Variants in KMT5C observed in about 807,000 individuals in gnomAD.
KMT5C encodes lysine methyltransferase 5C.
Under a neutral mutation model 38.2 loss-of-function variants are expected in KMT5C, and 16 were observed. The observed-to-expected ratio is 0.42, with a 90% CI of 0.28 to 0.64. KMT5C has a LOEUF of 0.64. KMT5C is among the 30% of genes least tolerant of loss of function. KMT5C has a pLI of 0.23. For synonymous variants in KMT5C, 291 were observed against 279.0 expected, an observed-to-expected ratio of 1.04 and a Z score of -0.43; for missense variants, 598 against 665.1, an observed-to-expected ratio of 0.90 and a Z score of 1.11.
At chr19:55,342,555 G>A (rs1379440057) in intron 3 of KMT5C, 175 bp downstream of exon 3, 2 of 643,058 alleles carry the variant, frequency 3.1e-6, no homozygotes, top group Non-Finnish European at 2.7e-6. Flanking sequence ...AGGAGAGTTG[G>A]GGGGGCCCTC....
chr19:55,342,414 C>T (rs918191216), intron 3 of KMT5C, 34 bp downstream of exon 3: 13 of 1,419,090 alleles, frequency 9.2e-6, no homozygotes, highest in South Asian at 2.8e-5. Context: ...GCCCTCACCG[C>T]GTGTCCTCCC....
intron 6 of KMT5C, 103 bp from the exon 7 acceptor site, chr19:55,346,110 C>A: frequency 1.4e-6 from 2 of 1,432,868 alleles, no homozygotes; most frequent in Non-Finnish European, 1.9e-6. Context: ...TTGCCCCATT[C>A]CAGGAGAGGA....
chr19:55,346,821 G>A, intron 8 of KMT5C, 134 bp downstream of exon 8: 1 of 598,622 alleles, frequency 1.7e-6, no homozygotes, highest in South Asian at 1.8e-5. Context: ...CCTCGCTGTT[G>A]AGCAGTTCGG....
At chr19:55,340,225 G>C (rs2089541489) in intron 1 of KMT5C, among the ~76,000 whole-genome samples, 1 of 149,942 alleles carries the variant, frequency 6.7e-6, no homozygotes, top group African/African-American at 2.5e-5. Context: ...CTGACCTCTT[G>C]TCACTCTCCA....
rs1371181559 is a variant in KMT5C at position 55,346,295 on chromosome 19, G to T, written c.653G>T (p.Gly218Val). ...EPGDEVTCFY[G>V]EGFFGEKNEH... ...GGGGACGAGGTGACATGCTTCTACG[G>T]CGAGGGCTTCTTCGGCGAGAAGAAT... is the stretch of plus-strand genomic sequence containing the variant. Residue 218 changes from glycine (G) to valine (V), a missense_variant, in exon 7 of 9, where the codon GGC becomes GTC. By Grantham distance (109) the Gly-to-Val change is moderately radical (BLOSUM62 -3). Transcript: ENST00000255613. The T allele has an allele frequency of 6.2e-7, 1 of 1,613,980 alleles. No homozygotes were observed. The highest frequency in any genetic ancestry group is 8.5e-7 in the Non-Finnish European group (1 of 1,179,978).
In KMT5C at chr19:55,342,747, T is replaced by C. The variant is rs762703075; in HGVS notation, c.282T>C (p.Tyr94=). The C allele has an allele frequency of 6.3e-7, 1 of 1,594,440 alleles. No individual in the cohort carries two copies. The highest frequency in any genetic ancestry group is 8.6e-7 in the Non-Finnish European group (1 of 1,162,830). ...CCCACCCTCACCCTCACCAGGTCTATCGCTACCTCCGTGCCTTCCTGCCGG... is the reference window on the plus strand; with the variant it reads ...CCCACCCTCACCCTCACCAGGTCTACCGCTACCTCCGTGCCTTCCTGCCGG... The part of the protein sequence containing the change: ...RQEAALKTHV[Y]RYLRAFLPES... Residue 94 remains tyrosine (Y), a synonymous_variant, in exon 4 of 9, where the codon TAT becomes TAC. Transcript: ENST00000255613.
Position 55,347,203 on chromosome 19 carries a change from C to G in KMT5C, c.1143C>G (p.His381Gln), listed in dbSNP as rs1022746003. 3.2e-6 allele frequency: 5 copies of G among 1,538,854 alleles called. No homozygotes were observed. Among genetic ancestry groups the G allele is most frequent in the Admixed American group, 2.0e-5 (1 of 51,008 alleles). Residue 381 changes from histidine to glutamine, a missense_variant, in exon 9 of 9, where the codon CAC (histidine) becomes CAG (glutamine). Physicochemically the swap from His to Gln is conservative, Grantham distance 24. Transcript: ENST00000255613. This position sits in a 1 kb window ranked among gnomAD's most constrained non-coding sequence, Gnocchi z 4.6. Reference protein sequence around the residue: ...EALVALGQPPHARWAPQQDWH... With the variant: ...EALVALGQPPQARWAPQQDWH... ...TGGTGGCCCTGGGCCAGCCCCCCCACGCCCGCTGGGCCCCTCAGCAGGACT... is the reference window on the plus strand; with the variant it reads ...TGGTGGCCCTGGGCCAGCCCCCCCAGGCCCGCTGGGCCCCTCAGCAGGACT...
chr19:55,343,687 A>C lies in KMT5C; in HGVS notation c.394A>C (p.Asn132His). ...CCCCTGGCCTCTTGGCAGGAAAAAG[A>C]ATGAGAAGCTGGAGCTGCTGGTGGG... ...KIVSTRAWKK[N>H]EKLELLVGCI... is the part of the protein sequence containing the mutation. The change falls in exon 5 of 9, where the codon AAT becomes CAT. Residue 132 changes from asparagine (N) to histidine (H), a missense_variant. Coordinates refer to ENST00000255613, the MANE Select transcript of KMT5C (RefSeq NM_032701.4). This position sits in a 1 kb window ranked among gnomAD's most constrained non-coding sequence, Gnocchi z 5.5. 3 of 1,554,766 alleles carry C rather than the reference A, an allele frequency of 1.9e-6. No homozygotes were observed. Among genetic ancestry groups the C allele is most frequent in the Non-Finnish European group, 2.6e-6 (3 of 1,148,852 alleles).
intron 4 of KMT5C, 90 bp downstream of exon 4, chr19:55,342,941 C>A (rs2089576491): frequency 1.2e-6 from 1 of 833,656 alleles, no homozygotes; most frequent in East Asian, 2.6e-5. Flanking sequence ...ACTGGCCAAC[C>A]GGGGAAAAGC....
At position 55,343,657 on chromosome 19, in the gene KMT5C, C is replaced by A. The variant is rs1309083582; in HGVS notation, c.387-23C>A. On this transcript the variant is annotated intron_variant, in intron 4 of 8. Coordinates refer to ENST00000255613, the MANE Select transcript of KMT5C (RefSeq NM_032701.4). The surrounding 1 kb of genome is among the most constrained non-coding windows in gnomAD (Gnocchi z 5.5). The stretch of plus-strand genomic sequence containing the variant: ...CAGGAGGCCAGGCATCGCCCACAGC[C>A]CTGCCCCCTGGCCTCTTGGCAGGAA... The A allele has an allele frequency of 2.6e-6, 4 of 1,550,276 alleles. No individual in the cohort carries two copies. In the South Asian group the frequency reaches 4.8e-5, roughly 18 times the overall value.
intron 7 of KMT5C, 65 bp downstream of exon 7, chr19:55,346,414 C>A: frequency 6.2e-7 from 1 of 1,611,318 alleles, no homozygotes; most frequent in East Asian, 2.2e-5. Context: ...GAAACGCACC[C>A]TCGGGACCCA....
Position 55,347,670 on chromosome 19 carries a change from C to T in KMT5C, c.*221C>T, listed in dbSNP as rs868604264. ...CCACCCCCACTCCCACAGGGAGCCC[C>T]GGCCATTTGCTGCCCTCCCCACCCC... On this transcript the variant is annotated 3_prime_UTR_variant, in exon 9 of 9. Coordinates refer to ENST00000255613, the MANE Select transcript of KMT5C (RefSeq NM_032701.4). This position sits in a 1 kb window ranked among gnomAD's most constrained non-coding sequence, Gnocchi z 4.6. 53 of 683,808 alleles carry T rather than the reference C, an allele frequency of 7.8e-5. No individual in the cohort carries two copies. Among genetic ancestry groups the T allele is most frequent in the African/African-American group, 2.5e-4 (13 of 52,830 alleles). The allele number at this position is 683,808 out of a possible 1,614,324, so 42.4% of individuals were successfully genotyped here.
chr19:55,341,046 G>T (rs867967786), intron 1 of KMT5C, among the ~76,000 whole-genome samples: 13 of 152,350 alleles, frequency 8.5e-5, no homozygotes, highest in Middle Eastern at 3.4e-3. Context: ...GCGCGGATGA[G>T]CCTCGAGCGC....
chr19:55,347,494 T>C lies in KMT5C; in HGVS notation c.*45T>C. The C allele has an allele frequency of 6.7e-7, 1 of 1,498,704 alleles. No homozygotes were observed. Among genetic ancestry groups the C allele is most frequent in the Non-Finnish European group, 8.8e-7 (1 of 1,132,700 alleles). 92.8% of individuals were successfully genotyped at this position (1,498,704 alleles called of 1,614,324 possible). On this transcript the variant is annotated 3_prime_UTR_variant, in exon 9 of 9. Transcript: ENST00000255613. The surrounding 1 kb of genome is among the most constrained non-coding windows in gnomAD (Gnocchi z 4.6). ...CAGCAGGGAGAGAGGGTCTCTCTCC[T>C]AGCTGCTACCCAGGACCTCCAGAAG...
intron 2 of KMT5C, 32 bp from the exon 3 acceptor site, chr19:55,342,183 G>C (rs199818136): frequency 8.7e-5 from 139 of 1,603,188 alleles, no homozygotes; most frequent in Non-Finnish European, 1.2e-4. Context: ...GCCCGGGAAG[G>C]CCCTGGGACC....
chr19:55,347,075 C>G lies in KMT5C; in HGVS notation c.1015C>G (p.Arg339Gly), dbSNP rs759558050. The change falls in exon 9 of 9, where the codon CGG becomes GGG. Residue 339 changes from arginine (R) to glycine (G), a missense_variant. Arg to Gly is a moderately radical substitution (Grantham distance 125). Around this residue, in one of 3 missense-constraint regions of KMT5C, gnomAD observed 326 missense variants for 298.1 expected, o/e 1.09. Transcript: ENST00000255613. This position sits in a 1 kb window ranked among gnomAD's most constrained non-coding sequence, Gnocchi z 4.6. ...RVRPRKRRRPRPRRAPVLSTH... is the reference protein window; with the variant it reads ...RVRPRKRRRPGPRRAPVLSTH... Reference sequence around the variant, plus strand: ...GCGGCCCCGGAAGCGCCGACGCCCCCGGCCCCGGAGGGCCCCAGTGCTCTC... The same window carrying G: ...GCGGCCCCGGAAGCGCCGACGCCCCGGGCCCCGGAGGGCCCCAGTGCTCTC... 1.9e-6 allele frequency: 3 copies of G among 1,575,950 alleles called. No homozygotes were observed. The highest frequency in any genetic ancestry group is 2.6e-6 in the Non-Finnish European group (3 of 1,168,202).
intron 8 of KMT5C, 122 bp from the exon 9 acceptor site, chr19:55,346,834 G>A (rs955110859): frequency 8.3e-5 from 48 of 575,762 alleles, no homozygotes; most frequent in South Asian, 4.5e-4. Flanking sequence ...CAGTTCGGCC[G>A]CATCATTCCT....
chr19:55,342,031 A>T lies in KMT5C; in HGVS notation c.95A>T (p.His32Leu). The T allele has an allele frequency of 6.2e-7, 1 of 1,613,448 alleles. No homozygotes were observed. The highest frequency in any genetic ancestry group is 8.5e-7 in the Non-Finnish European group (1 of 1,179,690). ...VLDPYLGFRT[H>L]KMNVSPVPPL... ...GACCCCTACCTCGGTTTCCGCACCCATAAGATGAACGTCAGGTGAGGTGGC... is the reference window on the plus strand; with the variant it reads ...GACCCCTACCTCGGTTTCCGCACCCTTAAGATGAACGTCAGGTGAGGTGGC... Residue 32 changes from histidine to leucine, a missense_variant, in exon 2 of 9, where the codon CAT becomes CTT. Physicochemically the swap from His to Leu is moderately conservative, Grantham distance 99 (BLOSUM62 -3). Transcript: ENST00000255613.
rs562603651 is a variant in KMT5C at position 55,341,747 on chromosome 19, G to A, written c.-143-47G>A. The A allele has an allele frequency of 4.2e-5, 25 of 594,956 alleles. No individual in the cohort carries two copies. In the South Asian group the frequency reaches 4.8e-4, roughly 11 times the overall value. The allele number at this position is 594,956 out of a possible 1,614,324, so 36.9% of individuals were successfully genotyped here. On this transcript the variant is annotated intron_variant, in intron 1 of 8. Coordinates refer to ENST00000255613, the MANE Select transcript of KMT5C (RefSeq NM_032701.4). ...GAAGTACTTGTTGCATTCCATCTTC[G>A]CCAGCGGCCTGGTGAAGTCAGCACT...
Sources: gnomAD v4.1 joint callset for allele counts (sites outside exome capture counted in the v4.1 genomes callset) on GRCh38, gnomAD v4.1.1 for gene constraint, gnomAD v4.1.1 regional missense constraint, Gnocchi (gnomAD v3.1) non-coding constraint, MANE v1.5 for transcripts, NCBI Gene and HGNC (gene_info 2026-07-23, HGNC 2026-07-21) for gene names.